The following FMO1 variants were observed in gnomAD, a reference collection of about 807,000 sequenced individuals.
FMO1 encodes flavin containing dimethylaniline monoxygenase 1, also known as flavin-containing monooxygenase 1.
FMO1 carries 36 observed loss-of-function variants against 45.4 expected under a neutral mutation model. The observed-to-expected ratio is 0.79, with a 90% confidence interval of 0.61 to 1.05. The LOEUF is 1.05. Ranked by LOEUF, FMO1 falls within the 50% of genes least tolerant of loss-of-function variation. The pLI, the probability that FMO1 is intolerant of heterozygous loss-of-function variation, is 0.00. For missense variants in FMO1, 615 were observed against 640.3 expected (o/e 0.96, Z 0.43); for synonymous variants, 228 against 227.2 (o/e 1.00, Z -0.03).
At chr1:171,273,609 G>A (rs1660966779) in intron 3 of FMO1, among the ~76,000 whole-genome samples, 5 of 152,108 alleles carry the variant, frequency 3.3e-5, no homozygotes, top group Admixed American at 2.6e-4. Context: ...CTAGGCTCAA[G>A]AAATCCTCCC....
rs760565046 is a variant in FMO1 at position 171,275,369 on chromosome 1, A to G, written c.345A>G (p.Lys115=). ...AGACCAAAGTCTGCAGTGTAACAAA[A>G]TGCTCAGATTCTGCTGTCTCTGGCC... is the stretch of plus-strand genomic sequence containing the variant. The part of the protein sequence containing the change: ...QFKTKVCSVT[K]CSDSAVSGQW... Residue 115 remains lysine, a synonymous_variant, in exon 4 of 9, where the codon AAA becomes AAG. Transcript: ENST00000617670. 1 of 1,613,986 alleles carries G rather than the reference A, an allele frequency of 6.2e-7. No homozygotes were observed. The highest frequency in any genetic ancestry group is 8.5e-7 in the Non-Finnish European group (1 of 1,179,910).
rs551290284 is a variant in FMO1 at position 171,271,179 on chromosome 1, A to G, written c.321+3448A>G. 1.3e-4 allele frequency: 112 copies of G among 857,696 alleles called. 1 individual carries two copies. The African/African-American group carries it at 1.7e-3, about 13-fold the overall frequency. The allele number at this position is 857,696 out of a possible 1,614,324, so 53.1% of individuals were successfully genotyped here. On this transcript the variant is annotated intron_variant, in intron 3 of 8. Transcript: ENST00000617670. ...TTTCACAAGGCTGCTTGTCTTCTGCAGCAGTGTTATTCCACATCTCTCCCA... is the reference window on the plus strand; with the variant it reads ...TTTCACAAGGCTGCTTGTCTTCTGCGGCAGTGTTATTCCACATCTCTCCCA...
chr1:171,261,973 TG>T (rs375513022), intron 2 of FMO1, among the ~76,000 whole-genome samples: 20 of 152,118 alleles, frequency 1.3e-4, no homozygotes, highest in African/African-American at 4.8e-4. Flanking sequence ...GACATGTGTG[TG>T]AAACACTTCT....
At chr1:171,276,659 G>A (rs779396684) in intron 4 of FMO1, among the ~76,000 whole-genome samples, 29 of 152,126 alleles carry the variant, frequency 1.9e-4, no homozygotes, top group Non-Finnish European at 3.8e-4. Flanking sequence ...GGTGAATAAG[G>A]CAACATGTAA....
At chr1:171,267,051 A>G (rs572104642) in intron 2 of FMO1, among the ~76,000 whole-genome samples, 28 of 152,300 alleles carry the variant, frequency 1.8e-4, no homozygotes, top group African/African-American at 6.3e-4. Flanking sequence ...CCTTACCGCC[A>G]TCTCACAAAT....
intron 3 of FMO1, chr1:171,271,755 C>T (rs528579916): frequency 2.1e-6 from 1 of 466,840 alleles, no homozygotes; most frequent in South Asian, 3.5e-5. Flanking sequence ...TTTAGGGTAT[C>T]TGGCAGAAGA....
At chr1:171,251,933 G>T (rs1659915323) in intron 1 of FMO1, 1 of 151,954 alleles carries the variant, frequency 6.6e-6, no homozygotes, top group Non-Finnish European at 1.5e-5. Context: ...TGCACATAAG[G>T]AGCAATAACA....
intron 3 of FMO1, among the ~76,000 whole-genome samples, chr1:171,268,653 T>C (rs764123765): frequency 2.6e-5 from 4 of 152,084 alleles, no homozygotes; most frequent in African/African-American, 4.8e-5. Flanking sequence ...AAGAAACATA[T>C]GAAAATCTAT....
chr1:171,268,637 C>G (rs1398154103), intron 3 of FMO1, among the ~76,000 whole-genome samples: 1 of 151,690 alleles, frequency 6.6e-6, no homozygotes, highest in African/African-American at 2.4e-5. Flanking sequence ...TCTCTGTTTC[C>G]TCTCCAAGAA....
chr1:171,276,299 A>T (rs1027375074), intron 4 of FMO1, among the ~76,000 whole-genome samples: 11 of 152,208 alleles, frequency 7.2e-5, no homozygotes, highest in Non-Finnish European at 1.0e-4. Context: ...AGATCAGGTT[A>T]GATTAGGATA....
At chr1:171,282,788 T>C (rs924914935) in intron 7 of FMO1, 1 of 256,922 alleles carries the variant, frequency 3.9e-6, no homozygotes. Context: ...AGCTACCTGT[T>C]ATTTTGACTA....
At chr1:171,273,473 A>G (rs936820682) in intron 3 of FMO1, among the ~76,000 whole-genome samples, 14 of 152,182 alleles carry the variant, frequency 9.2e-5, no homozygotes, top group African/African-American at 3.4e-4. Flanking sequence ...TCTGAATTTG[A>G]AGCATTTCCT....
At chr1:171,257,800 G>T in intron 1 of FMO1, 1 of 409,180 alleles carries the variant, frequency 2.4e-6, no homozygotes, top group Non-Finnish European at 4.6e-6. Flanking sequence ...ACTTTATCCA[G>T]TAAAAGGTCC....
chr1:171,258,290 C>T, intron 2 of FMO1, 71 bp downstream of exon 2: 1 of 1,559,986 alleles, frequency 6.4e-7, no homozygotes, highest in South Asian at 1.2e-5. Context: ...TATATCTGTG[C>T]TTCTTTCACA....
chr1:171,267,101 T>C (rs938698732), intron 2 of FMO1, among the ~76,000 whole-genome samples: 11 of 152,252 alleles, frequency 7.2e-5, no homozygotes, highest in African/African-American at 2.7e-4. Flanking sequence ...CCTCTGCTCA[T>C]GCCCTCATTA....
intron 3 of FMO1, among the ~76,000 whole-genome samples, chr1:171,274,155 A>AAC (rs1270983368): frequency 6.6e-6 from 1 of 151,852 alleles, no homozygotes; most frequent in Non-Finnish European, 1.5e-5. Context: ...TCTCAAAAAA[A>AAC]AAAAAAAAAA....
At chr1:171,280,539 G>A (rs1661305601) in intron 5 of FMO1, among the ~76,000 whole-genome samples, 1 of 152,136 alleles carries the variant, frequency 6.6e-6, no homozygotes, top group Non-Finnish European at 1.5e-5. Flanking sequence ...CTAAAGGCTG[G>A]CAGATAATAA....
chr1:171,261,968 G>A (rs972070357), intron 2 of FMO1, among the ~76,000 whole-genome samples: 9 of 152,198 alleles, frequency 5.9e-5, no homozygotes, highest in African/African-American at 2.2e-4. Flanking sequence ...GGCTGGACAT[G>A]TGTGTGAAAC....
chr1:171,258,153 GGAA>G lies in FMO1; in HGVS notation c.71_73del (p.Glu24del). ...GCCTGGCCTCCATCAAGTGCTGTCTGGAAGAAGGACTGGAGCCCACCTGCTTTG... is the reference window on the plus strand; with the variant it reads ...GCCTGGCCTCCATCAAGTGCTGTCTGGAAGGACTGGAGCCCACCTGCTTTG... On this transcript the variant is annotated inframe_deletion, in exon 2 of 9. Transcript: ENST00000617670. The G allele has an allele frequency of 6.2e-7, 1 of 1,614,174 alleles. No individual in the cohort carries two copies. The highest frequency in any genetic ancestry group is 8.5e-7 in the Non-Finnish European group (1 of 1,180,036).
Sources: allele counts gnomAD v4.1 joint callset (sites outside exome capture counted in the v4.1 genomes callset), GRCh38; gene constraint gnomAD v4.1.1; transcripts MANE v1.5; gene names NCBI Gene and HGNC (gene_info 2026-07-23, HGNC 2026-07-21).